The following ANO7 variants were observed in gnomAD, a reference collection of about 807,000 sequenced individuals.
The protein encoded by ANO7 is anoctamin-7.
ANO7 carries 114 observed loss-of-function variants against 115.8 expected under a neutral mutation model. That is an observed-to-expected ratio of 0.98 (90% CI 0.85 to 1.15). The LOEUF (loss-of-function observed/expected upper bound fraction) is 1.15, where lower values mean the gene tolerates loss of function less well. Among genes scored for constraint, ANO7 ranks in the 50% most tolerant of loss-of-function variants. The pLI is 0.00. For synonymous variants in ANO7, 550 were observed against 498.2 expected, an observed-to-expected ratio of 1.10 and a Z score of -1.38; for missense variants, 1,302 against 1,201.2, an observed-to-expected ratio of 1.08 and a Z score of -1.24.
chr2:241,236,190 C>T, the ANO7 span: 14 of 219,088 alleles, frequency 6.4e-5, no homozygotes, highest in East Asian at 5.7e-4. Flanking sequence ...GCTGTGGCAC[C>T]GCAGCACTGA....
At chr2:241,235,058 C>A in the ANO7 span, 1 of 1,581,604 alleles carries the variant, frequency 6.3e-7, no homozygotes. Context: ...TCCCTAGATT[C>A]TGACATGTGC....
chr2:241,204,393 T>C (rs1040753415), intron 9 of ANO7, among the ~76,000 whole-genome samples: 4 of 105,946 alleles, frequency 3.8e-5, no homozygotes, highest in Non-Finnish European at 7.4e-5. Context: ...ACTGAGGGAT[T>C]GCGGCTGTGG....
At chr2:241,238,630 G>A in the ANO7 span, 5 of 1,538,084 alleles carry the variant, frequency 3.3e-6, no homozygotes, top group Non-Finnish European at 4.4e-6. This position sits in a 1 kb window ranked among gnomAD's most constrained non-coding sequence, Gnocchi z 4.9. Flanking sequence ...AAGCAGAGCA[G>A]GGCTAATGGG....
chr2:241,236,635 C>A, the ANO7 span: 52 of 1,614,088 alleles, frequency 3.2e-5, 1 homozygote, highest in South Asian at 5.7e-4. Flanking sequence ...TCCTTGGCAG[C>A]CTCACACTTT....
chr2:241,212,795 C>T, intron 17 of ANO7, 169 bp downstream of exon 17: 1 of 688,580 alleles, frequency 1.5e-6, no homozygotes, highest in Non-Finnish European at 2.5e-6. Context: ...AGCCTCTCTT[C>T]ACCACTTATT....
chr2:241,197,106 T>C (rs1412916164), intron 4 of ANO7, among the ~76,000 whole-genome samples: 1 of 152,156 alleles, frequency 6.6e-6, no homozygotes, highest in Non-Finnish European at 1.5e-5. Context: ...GCTTGTTTGT[T>C]TGTTTGTTTT....
chr2:241,204,928 G>T lies in ANO7; in HGVS notation c.953G>T (p.Cys318Phe). 6.2e-7 allele frequency: 1 copy of T among 1,614,082 alleles called. No individual in the cohort carries two copies. The highest frequency in any genetic ancestry group is 8.5e-7 in the Non-Finnish European group (1 of 1,179,970). Residue 318 changes from cysteine to phenylalanine, a missense_variant, in exon 10 of 25, where the codon TGC (cysteine) becomes TTC (phenylalanine). Transcript: ENST00000674324. ...VVGTLVFLVG[C>F]FLVFSDIPTQ... ...GGCACACTGGTGTTCCTGGTGGGCTGCTTCCTGGTGTTCTCAGACATACCC... is the reference window on the plus strand; with the variant it reads ...GGCACACTGGTGTTCCTGGTGGGCTTCTTCCTGGTGTTCTCAGACATACCC...
At position 241,224,411 on chromosome 2, in the gene ANO7, G is replaced by C. The variant is rs1410472398; in HGVS notation, c.*258G>C. 1 of 524,450 alleles carries C rather than the reference G, an allele frequency of 1.9e-6. No individual in the cohort carries two copies. Among genetic ancestry groups the C allele is most frequent in the African/African-American group, 1.9e-5 (1 of 52,186 alleles). 32.5% of individuals were successfully genotyped at this position (524,450 alleles called of 1,614,324 possible). A position where few individuals can be genotyped will look rare whatever the true frequency, so the allele number is the denominator to read the frequency against. On this transcript the variant is annotated 3_prime_UTR_variant, in exon 25 of 25. Transcript: ENST00000674324. ...CTGCTCCCAGACATAAGCCCAAGGG[G>C]CCCCTGCACCCAAGGGACCCTGTCC...
At chr2:241,226,397 G>T (rs1407580083), downstream of ANO7, among the ~76,000 whole-genome samples, 1 of 151,986 alleles carries the variant, frequency 6.6e-6, no homozygotes, top group Non-Finnish European at 1.5e-5. Flanking sequence ...GGGCCCAACA[G>T]AACTGCTGGG....
At position 241,222,865 on chromosome 2, in the gene ANO7, C is replaced by T. The variant is rs13415829; in HGVS notation, c.2322-321C>T. 6.7e-3 allele frequency among the ~76,000 whole-genome samples: 1,022 copies of T among 152,222 alleles called. 11 individuals carry two copies. The highest frequency in any genetic ancestry group is 0.023 in the African/African-American group (953 of 41,516). On this transcript the variant is annotated intron_variant, in intron 21 of 24. Transcript: ENST00000674324. ...ACCGTGTAAGTAGACTGAAGTCATC[C>T]GTAGAAGCACAGACGTACTGGACTG...
chr2:241,220,418 T>G (rs2068982316), intron 21 of ANO7, among the ~76,000 whole-genome samples: 2 of 150,494 alleles, frequency 1.3e-5, no homozygotes, highest in Non-Finnish European at 1.5e-5. Context: ...TTTTTCTGGC[T>G]GGGCATGGTA....
chr2:241,198,395 T>C (rs2068392520), intron 4 of ANO7, among the ~76,000 whole-genome samples: 1 of 152,252 alleles, frequency 6.6e-6, no homozygotes, highest in South Asian at 2.1e-4. Context: ...GCTTTTATTA[T>C]GGACAGAGCT....
In ANO7 at chr2:241,217,771, C is replaced by A. The variant is rs1278807453; in HGVS notation, c.2058C>A (p.Ile686=). 1 of 1,609,384 alleles carries A rather than the reference C, an allele frequency of 6.2e-7. No individual in the cohort carries two copies. ...LFALLNNWVE[I]RLDARKFVCE... The stretch of plus-strand genomic sequence containing the variant: ...CCCTGCTCAACAACTGGGTGGAGAT[C>A]CGCTTGGACGCGCGCAAGTTCGTCT... Residue 686 remains isoleucine, a synonymous_variant, in exon 20 of 25, where the codon ATC becomes ATA. Coordinates refer to ENST00000674324, the MANE Select transcript of ANO7 (RefSeq NM_001370694.2).
Position 241,218,281 on chromosome 2 carries a change from T to C in ANO7, c.2221T>C (p.Tyr741His). 6.5e-7 allele frequency: 1 copy of C among 1,535,298 alleles called. No individual in the cohort carries two copies. Among genetic ancestry groups the C allele is most frequent in the Non-Finnish European group, 8.7e-7 (1 of 1,148,636 alleles). Residue 741 changes from tyrosine (Y) to histidine (H), a missense_variant, in exon 21 of 25, where the codon TAC (tyrosine) becomes CAC (histidine). Coordinates refer to ENST00000674324, the MANE Select transcript of ANO7 (RefSeq NM_001370694.2). ...CTCGTCCGACTTCCTGCCGCGCGCC[T>C]ACTACCGGTGGACCCGCGCCCACGA... ...AFSSDFLPRA[Y>H]YRWTRAHDLR...
At chr2:241,212,768 G>T in intron 17 of ANO7, 142 bp downstream of exon 17, 2 of 885,978 alleles carry the variant, frequency 2.3e-6, no homozygotes, top group Non-Finnish European at 3.5e-6. Flanking sequence ...CTGTGCAGCT[G>T]ACCACTCAGG....
At chr2:241,232,731 T>G in the ANO7 span, among the ~76,000 whole-genome samples, 3 of 152,030 alleles carry the variant, frequency 2.0e-5, no homozygotes, top group Non-Finnish European at 2.9e-5. Flanking sequence ...CGAGAATCAC[T>G]TCAACCCGGG....
rs1194057467 is a variant in ANO7, at chr2:241,217,868, A to G, written c.2155A>G (p.Thr719Ala). Residue 719 changes from threonine (T) to alanine (A), a missense_variant, in exon 20 of 25, where the codon ACG becomes GCG. Thr to Ala is a moderately conservative substitution (Grantham distance 58). Transcript: ENST00000674324. ...CTGGTTCCACATCCTGGCGGGCCTC[A>G]CGCACCTGGCGGTCATCAGCAACGT... ...GIWFHILAGL[T>A]HLAVISNAFL... is the part of the protein sequence containing the mutation. 6.3e-7 allele frequency: 1 copy of G among 1,592,256 alleles called. No homozygotes were observed. The highest frequency in any genetic ancestry group is 8.5e-7 in the Non-Finnish European group (1 of 1,173,498).
chr2:241,232,964 G>A, the ANO7 span, among the ~76,000 whole-genome samples: 1 of 151,410 alleles, frequency 6.6e-6, no homozygotes, highest in African/African-American at 2.4e-5. Context: ...ATCCAAAAGG[G>A]AACAAGAAGC....
At chr2:241,238,328 G>A in the ANO7 span, 3 of 196,642 alleles carry the variant, frequency 1.5e-5, no homozygotes, top group Admixed American at 6.1e-5. This position sits in a 1 kb window ranked among gnomAD's most constrained non-coding sequence, Gnocchi z 4.9. Flanking sequence ...GGGCTCATGC[G>A]ATCCAAACGA....
Sources: allele counts gnomAD v4.1 joint callset (sites outside exome capture counted in the v4.1 genomes callset), GRCh38; gene constraint gnomAD v4.1.1; non-coding constraint Gnocchi (gnomAD v3.1); transcripts MANE v1.5; gene names NCBI Gene and HGNC (gene_info 2026-07-23, HGNC 2026-07-21).